Variants in UNC5C observed in about 807,000 individuals in gnomAD.
The protein encoded by UNC5C is unc-5 netrin receptor C, also known as netrin receptor UNC5C.
A neutral mutation model predicts 99.8 loss-of-function variants in UNC5C; 47 were observed. The observed-to-expected ratio is 0.47, with a 90% CI of 0.37 to 0.60. The LOEUF is 0.60. Ranked by LOEUF, UNC5C falls within the 20% of genes least tolerant of loss-of-function variation. UNC5C has a pLI of 0.00. For missense variants in UNC5C, 1,062 were observed against 1,165.9 expected (o/e 0.91, Z 1.30); for synonymous variants, 487 against 452.2 (o/e 1.08, Z -0.98).
At chr4:95,542,557 A>G (rs1420636880) in intron 1 of UNC5C, among the ~76,000 whole-genome samples, 1 of 152,160 alleles carries the variant, frequency 6.6e-6, no homozygotes, top group Admixed American at 6.5e-5. Flanking sequence ...TACTTATAAA[A>G]TCTGGAAACA....
intron 1 of UNC5C, among the ~76,000 whole-genome samples, chr4:95,464,967 G>A (rs1170625036): frequency 6.6e-6 from 1 of 152,154 alleles, no homozygotes; most frequent in Non-Finnish European, 1.5e-5. Flanking sequence ...ACAAGTGGGT[G>A]TTAAATAATG....
At chr4:95,525,212 T>C (rs1006380641) in intron 1 of UNC5C, among the ~76,000 whole-genome samples, 1 of 152,176 alleles carries the variant, frequency 6.6e-6, no homozygotes, top group African/African-American at 2.4e-5. Flanking sequence ...TAGTTCTAAC[T>C]GAGTAAATAG....
At chr4:95,204,085 A>G (rs968710349) in intron 11 of UNC5C, among the ~76,000 whole-genome samples, 10 of 152,224 alleles carry the variant, frequency 6.6e-5, no homozygotes, top group African/African-American at 2.4e-4. Flanking sequence ...AGCAGCTGGC[A>G]GTAAAGCTGG....
chr4:95,226,233 A>G (rs1373720920), intron 7 of UNC5C, among the ~76,000 whole-genome samples: 4 of 152,212 alleles, frequency 2.6e-5, no homozygotes, highest in Non-Finnish European at 5.9e-5. Flanking sequence ...GGGCCAGTAC[A>G]CTGCTTTTCA....
At position 95,244,905 on chromosome 4, in the gene UNC5C, T is replaced by C. The variant is rs537535846; in HGVS notation, c.943+72A>G. ...ACATTCAGATCAAGAATAAAGTCTG[T>C]GTATCTATTCTCTAAAAGCATGTTT... On this transcript the variant is annotated intron_variant, in intron 6 of 15. Coordinates refer to ENST00000453304, the MANE Select transcript of UNC5C (RefSeq NM_003728.4). 2.1e-3 allele frequency: 3,297 copies of C among 1,558,346 alleles called. 8 individuals are homozygous for C. The highest frequency in any genetic ancestry group is 2.1e-3 in the South Asian group (186 of 87,564).
At chr4:95,358,320 T>C (rs962564300) in intron 1 of UNC5C, among the ~76,000 whole-genome samples, 3 of 152,214 alleles carry the variant, frequency 2.0e-5, no homozygotes, top group Non-Finnish European at 4.4e-5. Flanking sequence ...TTTGTGGCTT[T>C]GCAAGAAGAG....
chr4:95,445,775 G>C (rs1207124495), intron 1 of UNC5C, among the ~76,000 whole-genome samples: 1 of 151,550 alleles, frequency 6.6e-6, no homozygotes, highest in Non-Finnish European at 1.5e-5. Context: ...ATCGAGTGGA[G>C]TCATCAAGAC....
rs1226728239 is a variant in UNC5C, at chr4:95,470,202, A to AT, written c.124+78531dup. Among the ~76,000 whole-genome samples, 5 of 151,964 alleles carry AT rather than the reference A, an allele frequency of 3.3e-5. No individual in the cohort carries two copies. The East Asian group carries it at 9.7e-4, about 29-fold the overall frequency. On this transcript the variant is annotated intron_variant, in intron 1 of 15. Coordinates refer to ENST00000453304, the MANE Select transcript of UNC5C (RefSeq NM_003728.4). ...TCATTACATACCTAACTTTATCTTAATTTTTTCTACATTTCTAGGCTACTC... is the reference window on the plus strand; with the variant it reads ...TCATTACATACCTAACTTTATCTTAATTTTTTTCTACATTTCTAGGCTACTC...
intron 1 of UNC5C, among the ~76,000 whole-genome samples, chr4:95,349,919 C>T (rs1431983756): frequency 1.3e-5 from 2 of 152,050 alleles, no homozygotes; most frequent in Non-Finnish European, 2.9e-5. Context: ...TGATCACTTT[C>T]TATTTGCTGA....
At position 95,215,811 on chromosome 4, in the gene UNC5C, CTG is replaced by C. The variant is rs3839112; in HGVS notation, c.1733+311_1733+312del. Among the ~76,000 whole-genome samples the C allele has an allele frequency of 6.3e-3, 960 of 152,270 alleles. 20 individuals carry two copies. Among genetic ancestry groups the C allele is most frequent in the East Asian group, 0.059 (306 of 5,162 alleles). On this transcript the variant is annotated intron_variant, in intron 10 of 15. Transcript: ENST00000453304. ...GCCAGATGCCATGAAGTCGACGTCT[CTG>C]TGTCTACCCACTTGTCTCTCTGGAC...
intron 10 of UNC5C, among the ~76,000 whole-genome samples, chr4:95,214,071 G>GT (rs1181764289): frequency 6.6e-6 from 1 of 152,180 alleles, no homozygotes. Flanking sequence ...CTTGCAGAAC[G>GT]TAGTGAGAAG....
At chr4:95,328,062 A>ATTTTTTTTTTTTTTTTTTTT (rs71583698) in intron 2 of UNC5C, among the ~76,000 whole-genome samples, 1 of 86,718 alleles carries the variant, frequency 1.2e-5, no homozygotes, top group Non-Finnish European at 2.2e-5. Context: ...TTTTTTTTTA[A>ATTTTTTTTTTTTTTTTTTTT]TTTTTTTTTT....
chr4:95,487,291 G>A (rs1018118433), intron 1 of UNC5C, among the ~76,000 whole-genome samples: 3 of 151,768 alleles, frequency 2.0e-5, no homozygotes, highest in Non-Finnish European at 4.4e-5. Context: ...AATAAACAAA[G>A]GAGTGCATAA....
intron 4 of UNC5C, among the ~76,000 whole-genome samples, chr4:95,251,375 T>A (rs2865415): frequency 0.28 from 43,031 of 152,108 alleles, 6,664 homozygotes; most frequent in East Asian, 0.58. Context: ...AATGCTAACA[T>A]TCAAATCTTT....
At chr4:95,515,367 C>T (rs896882143) in intron 1 of UNC5C, among the ~76,000 whole-genome samples, 1 of 152,062 alleles carries the variant, frequency 6.6e-6, no homozygotes, top group African/African-American at 2.4e-5. Flanking sequence ...AAGGGTTTGC[C>T]CAAATTTAAA....
At chr4:95,526,050 T>A (rs769953021) in intron 1 of UNC5C, among the ~76,000 whole-genome samples, 1 of 152,198 alleles carries the variant, frequency 6.6e-6, no homozygotes, top group Non-Finnish European at 1.5e-5. Context: ...ATAACTGTTC[T>A]GACTAATCAA....
chr4:95,327,683 T>C (rs2149416389), intron 2 of UNC5C, among the ~76,000 whole-genome samples: 1 of 152,226 alleles, frequency 6.6e-6, no homozygotes, highest in African/African-American at 2.4e-5. Context: ...CCCAGTGATA[T>C]GGGGCAGTAT....
intron 1 of UNC5C, among the ~76,000 whole-genome samples, chr4:95,383,974 G>A (rs1406908161): frequency 1.3e-5 from 2 of 152,100 alleles, no homozygotes; most frequent in Admixed American, 6.6e-5. Context: ...ATGGGAACTA[G>A]ATTGTCTCAG....
At chr4:95,179,304 A>T (rs1736505303) in intron 14 of UNC5C, among the ~76,000 whole-genome samples, 1 of 152,226 alleles carries the variant, frequency 6.6e-6, no homozygotes, top group African/African-American at 2.4e-5. Flanking sequence ...TGGCTGTAGC[A>T]GAGTGATATT....
Sources: gnomAD v4.1 joint callset for allele counts (sites outside exome capture counted in the v4.1 genomes callset) on GRCh38, gnomAD v4.1.1 for gene constraint, MANE v1.5 for transcripts, NCBI Gene and HGNC (gene_info 2026-07-23, HGNC 2026-07-21) for gene names.